PAQR8: variants seen among roughly 807,000 people sequenced by gnomAD.
The protein encoded by PAQR8 is progestin and adipoQ receptor family member 8, also known as membrane progestin receptor beta.
A neutral mutation model predicts 25.2 loss-of-function variants in PAQR8; 17 were observed. The observed-to-expected ratio is 0.67, with a 90% CI of 0.46 to 1.01. The LOEUF (loss-of-function observed/expected upper bound fraction) is 1.01. Ranked by LOEUF, PAQR8 falls within the 50% of genes least tolerant of loss-of-function variation. The pLI, the probability that PAQR8 is intolerant of heterozygous loss-of-function variation, is 0.00. For synonymous variants in PAQR8, 204 were observed against 190.6 expected, an observed-to-expected ratio of 1.07 and a Z score of -0.58; for missense variants, 392 against 448.4, an observed-to-expected ratio of 0.87 and a Z score of 1.14.
intron 1 of PAQR8, among the ~76,000 whole-genome samples, chr6:52,385,913 G>A (rs1325657037): frequency 6.6e-6 from 1 of 152,068 alleles, no homozygotes; most frequent in Non-Finnish European, 1.5e-5. Context: ...TTCAACAGAG[G>A]AAACAGACAA....
chr6:52,363,493 A>C (rs979609647), intron 1 of PAQR8, among the ~76,000 whole-genome samples: 3 of 152,202 alleles, frequency 2.0e-5, no homozygotes, highest in African/African-American at 7.2e-5. Context: ...TGTATGTGTG[A>C]TTTTTAGACC....
Position 52,406,414 on chromosome 6 carries a change from G to A in PAQR8, c.*2136G>A. 4.8e-6 allele frequency: 2 copies of A among 413,288 alleles called. No homozygotes were observed. The highest frequency in any genetic ancestry group is 7.1e-5 in the East Asian group (2 of 28,084). The allele number at this position is 413,288 out of a possible 1,614,324, so 25.6% of individuals were successfully genotyped here. A position where few individuals can be genotyped will look rare whatever the true frequency, so the allele number is the denominator to read the frequency against. ...TTTTTAAAAGAGAGAACCGGAGGTA[G>A]AGCAATGATCAGATGGGTGCACAGA... On this transcript the variant is annotated 3_prime_UTR_variant, in exon 2 of 2. Transcript: ENST00000442253.
chr6:52,394,916 A>C (rs1213726054), intron 1 of PAQR8, among the ~76,000 whole-genome samples: 1 of 151,404 alleles, frequency 6.6e-6, no homozygotes, highest in East Asian at 1.9e-4. Context: ...TTTTTACCCC[A>C]TTTTTCTCTT....
At chr6:52,363,145 A>G (rs2113930655) in intron 1 of PAQR8, among the ~76,000 whole-genome samples, 1 of 152,128 alleles carries the variant, frequency 6.6e-6, no homozygotes, top group Admixed American at 6.5e-5. Flanking sequence ...CCTCGCACTC[A>G]GCGCGCTTGG....
At chr6:52,365,522 G>A (rs886232909) in intron 1 of PAQR8, among the ~76,000 whole-genome samples, 7 of 151,948 alleles carry the variant, frequency 4.6e-5, no homozygotes, top group East Asian at 3.9e-4. Context: ...GTTCGGTGCC[G>A]GACACATCAT....
chr6:52,399,638 A>G (rs1356093819), intron 1 of PAQR8, among the ~76,000 whole-genome samples: 1 of 152,198 alleles, frequency 6.6e-6, no homozygotes, highest in Non-Finnish European at 1.5e-5. Flanking sequence ...AGACAGGGAT[A>G]CTGGGAGCAT....
At chr6:52,383,293 G>A (rs1763585398) in intron 1 of PAQR8, among the ~76,000 whole-genome samples, 1 of 152,220 alleles carries the variant, frequency 6.6e-6, no homozygotes, top group Admixed American at 6.5e-5. Flanking sequence ...TCAGGTTTAG[G>A]AATAGCAAAT....
chr6:52,403,157 T>A lies in PAQR8; in HGVS notation c.-52-5T>A. 6.8e-7 allele frequency: 1 copy of A among 1,462,056 alleles called. No homozygotes were observed. Among genetic ancestry groups the A allele is most frequent in the South Asian group, 1.3e-5 (1 of 77,854 alleles). 90.6% of individuals were successfully genotyped at this position (1,462,056 alleles called of 1,614,324 possible). A position where few individuals can be genotyped will look rare whatever the true frequency, so the allele number is the denominator to read the frequency against. ...GCTTTGCCAATTTTCCTTTCTTTTCTGCAGGTTGCATACCCTGTCCTGAGG... is the reference window on the plus strand; with the variant it reads ...GCTTTGCCAATTTTCCTTTCTTTTCAGCAGGTTGCATACCCTGTCCTGAGG... On this transcript the variant is annotated splice_polypyrimidine_tract_variant and splice_region_variant and intron_variant, in intron 1 of 1. Coordinates refer to ENST00000442253, the MANE Select transcript of PAQR8 (RefSeq NM_133367.5).
At chr6:52,402,372 C>A (rs1379097551) in intron 1 of PAQR8, among the ~76,000 whole-genome samples, 1 of 151,218 alleles carries the variant, frequency 6.6e-6, no homozygotes, top group African/African-American at 2.4e-5. Flanking sequence ...CAAAAAAAAT[C>A]TTCGGGAGGC....
At chr6:52,384,762 ACTACAAGG>A (rs1488870229) in intron 1 of PAQR8, among the ~76,000 whole-genome samples, 1 of 152,224 alleles carries the variant, frequency 6.6e-6, no homozygotes, top group Non-Finnish European at 1.5e-5. Flanking sequence ...ACTTCAAAAT[ACTACAAGG>A]CTATAGTAAC....
chr6:52,395,912 G>A (rs1763762364), intron 1 of PAQR8, among the ~76,000 whole-genome samples: 2 of 152,168 alleles, frequency 1.3e-5, no homozygotes, highest in African/African-American at 4.8e-5. Context: ...ACACACCTGA[G>A]TAGAGCAAAT....
intron 1 of PAQR8, among the ~76,000 whole-genome samples, chr6:52,389,276 C>G (rs540902506): frequency 6.6e-6 from 1 of 152,202 alleles, no homozygotes; most frequent in South Asian, 2.1e-4. Flanking sequence ...CCTTTAGAAG[C>G]AGGCAAAGGA....
rs958417407 is a variant in PAQR8, at chr6:52,363,240, C to T, written c.-53+991C>T. On this transcript the variant is annotated intron_variant, in intron 1 of 1. Coordinates refer to ENST00000442253, the MANE Select transcript of PAQR8 (RefSeq NM_133367.5). ...TGGAGGTAGCCGGGCACAGCAGCTTCCTGTGCAGCTGTGGGTGCTCCAGGC... is the reference window on the plus strand; with the variant it reads ...TGGAGGTAGCCGGGCACAGCAGCTTTCTGTGCAGCTGTGGGTGCTCCAGGC... Among the ~76,000 whole-genome samples, 3 of 152,240 alleles carry T rather than the reference C, an allele frequency of 2.0e-5. No homozygotes were observed. The East Asian group carries it at 5.8e-4, about 29-fold the overall frequency.
chr6:52,391,936 C>A (rs543540594), intron 1 of PAQR8, among the ~76,000 whole-genome samples: 1 of 152,304 alleles, frequency 6.6e-6, no homozygotes, highest in African/African-American at 2.4e-5. Context: ...GTTGGTGATT[C>A]CAGCATGCTG....
intron 1 of PAQR8, among the ~76,000 whole-genome samples, chr6:52,376,180 C>T (rs1487233604): frequency 2.0e-5 from 3 of 152,142 alleles, no homozygotes; most frequent in Non-Finnish European, 4.4e-5. Context: ...TCAAGACTTC[C>T]TTGGTGAGGT....
chr6:52,372,127 G>A (rs190103726), intron 1 of PAQR8, among the ~76,000 whole-genome samples: 18 of 152,156 alleles, frequency 1.2e-4, no homozygotes, highest in Admixed American at 1.0e-3. Context: ...TCACTATTTT[G>A]TATGCCTGTG....
At chr6:52,389,505 TA>T (rs1763673178) in intron 1 of PAQR8, among the ~76,000 whole-genome samples, 1 of 152,018 alleles carries the variant, frequency 6.6e-6, no homozygotes, top group African/African-American at 2.4e-5. Context: ...GTGGAATAGA[TA>T]GATAAGGGTT....
At chr6:52,395,019 C>A (rs901506505) in intron 1 of PAQR8, among the ~76,000 whole-genome samples, 1 of 151,926 alleles carries the variant, frequency 6.6e-6, no homozygotes, top group Non-Finnish European at 1.5e-5. Context: ...GTAATCCCAA[C>A]ACTTTGGGAG....
chr6:52,364,103 T>TTTTTTTTTTTTC (rs59464397), intron 1 of PAQR8, among the ~76,000 whole-genome samples: 1 of 138,960 alleles, frequency 7.2e-6, no homozygotes, highest in East Asian at 2.3e-4. Flanking sequence ...TTTTTTTTTT[T>TTTTTTTTTTTTC]GCGGGTGTGT....
Sources: gnomAD v4.1 joint callset for allele counts (sites outside exome capture counted in the v4.1 genomes callset) on GRCh38, gnomAD v4.1.1 for gene constraint, MANE v1.5 for transcripts, NCBI Gene and HGNC (gene_info 2026-07-23, HGNC 2026-07-21) for gene names.